The following EHHADH variants were observed in gnomAD, a reference collection of about 807,000 sequenced individuals.
EHHADH encodes the protein peroxisomal bifunctional enzyme.
Under a neutral mutation model 64.4 loss-of-function variants are expected in EHHADH, and 48 were observed. The observed-to-expected ratio is 0.75, with a 90% CI of 0.59 to 0.95. The LOEUF (loss-of-function observed/expected upper bound fraction) is 0.95, where lower values mean the gene tolerates loss of function less well. EHHADH is among the 40% of genes least tolerant of loss of function. EHHADH has a pLI of 0.00. For missense variants in EHHADH, 854 were observed against 876.6 expected, an observed-to-expected ratio of 0.97 and a Z score of 0.33; for synonymous variants, 308 against 326.7, an observed-to-expected ratio of 0.94 and a Z score of 0.62.
chr3:185,207,745 A>G (rs936875818), intron 5 of EHHADH, among the ~76,000 whole-genome samples: 10 of 152,258 alleles, frequency 6.6e-5, no homozygotes, highest in Admixed American at 6.5e-4. Flanking sequence ...CAACTGTAAG[A>G]AAATAATTTC....
At chr3:185,240,759 G>A (rs904612872) in intron 2 of EHHADH, among the ~76,000 whole-genome samples, 14 of 151,398 alleles carry the variant, frequency 9.2e-5, no homozygotes, top group Non-Finnish European at 1.6e-4. Flanking sequence ...ACTATATTAC[G>A]AACTTATATT....
At chr3:185,197,501 G>T (rs1403509634) in intron 6 of EHHADH, among the ~76,000 whole-genome samples, 1 of 152,090 alleles carries the variant, frequency 6.6e-6, no homozygotes, top group East Asian at 1.9e-4. Context: ...CTATATCTGT[G>T]CATTTGACTA....
Position 185,218,072 on chromosome 3 carries a change from T to C in EHHADH, c.568+64A>G, listed in dbSNP as rs930466697. The C allele has an allele frequency of 2.4e-5, 30 of 1,264,486 alleles. No individual in the cohort carries two copies. In the Middle Eastern group the frequency reaches 7.7e-4, roughly 33 times the overall value. The allele number at this position is 1,264,486 out of a possible 1,614,324, so 78.3% of individuals were successfully genotyped here. ...GAGCCACTGCGCCCGGCCAGGAGTT[T>C]CTTATTTAAATGAACATGTATCCTG... On this transcript the variant is annotated intron_variant, in intron 5 of 6. Coordinates refer to ENST00000231887, the MANE Select transcript of EHHADH (RefSeq NM_001966.4).
intron 4 of EHHADH, 130 bp downstream of exon 4, chr3:185,229,302 C>G: frequency 2.3e-6 from 1 of 433,610 alleles, no homozygotes; most frequent in Non-Finnish European, 4.0e-6. Flanking sequence ...ATCAGAAAAT[C>G]GAGAGGCCAA....
chr3:185,193,789 C>T (rs1717982624), intron 6 of EHHADH, among the ~76,000 whole-genome samples: 1 of 151,820 alleles, frequency 6.6e-6, no homozygotes, highest in South Asian at 2.1e-4. Flanking sequence ...TAGAAATAAA[C>T]AATCTGAATA....
At chr3:185,199,329 T>C (rs1159049013) in intron 6 of EHHADH, among the ~76,000 whole-genome samples, 1 of 152,248 alleles carries the variant, frequency 6.6e-6, no homozygotes, top group East Asian at 1.9e-4. Context: ...CTGTACTTTC[T>C]AGATCCCTTG....
intron 2 of EHHADH, among the ~76,000 whole-genome samples, chr3:185,244,249 T>A (rs181579777): frequency 1.3e-5 from 2 of 152,300 alleles, no homozygotes; most frequent in Admixed American, 1.3e-4. Context: ...CCAAAGGGTG[T>A]CACTTGTGGG....
chr3:185,193,160 A>G lies in EHHADH; in HGVS notation c.1238T>C (p.Leu413Pro), dbSNP rs372135936. ...EAFLCTNTSA[L>P]DVDEIASSTD... ...GGAAGAAGCAATCTCATCAACATCC[A>G]GGGCTGAAGTATTAGTGCACAAAAA... The change falls in exon 7 of 7, where the codon CTG becomes CCG. Residue 413 changes from leucine to proline, a missense_variant. By Grantham distance (98) the Leu-to-Pro change is moderately conservative. Transcript: ENST00000231887. 1.9e-6 allele frequency: 3 copies of G among 1,613,120 alleles called. No homozygotes were observed. Among genetic ancestry groups the G allele is most frequent in the Middle Eastern group, 1.6e-4 (1 of 6,078 alleles).
chr3:185,228,625 C>T (rs1349490415), intron 4 of EHHADH, among the ~76,000 whole-genome samples: 1 of 151,266 alleles, frequency 6.6e-6, no homozygotes, highest in African/African-American at 2.4e-5. Flanking sequence ...TTGCCGTGAG[C>T]CGAGATCATG....
chr3:185,242,470 A>G (rs756948020), intron 2 of EHHADH, among the ~76,000 whole-genome samples: 2 of 152,262 alleles, frequency 1.3e-5, no homozygotes, highest in Non-Finnish European at 2.9e-5. Context: ...AAAAATAGGC[A>G]CATAGACCAA....
At chr3:185,210,253 T>C (rs1336026865) in intron 5 of EHHADH, among the ~76,000 whole-genome samples, 2 of 152,228 alleles carry the variant, frequency 1.3e-5, no homozygotes, top group Non-Finnish European at 2.9e-5. Flanking sequence ...ACATCAGATT[T>C]ATTTGAAGAG....
At position 185,192,256 on chromosome 3, in the gene EHHADH, G is replaced by T. The variant is rs917179166; in HGVS notation, c.2142C>A (p.Ser714Arg). The change falls in exon 7 of 7, where the codon AGC becomes AGA. Residue 714 changes from serine (S) to arginine (R), a missense_variant. By Grantham distance (110) the Ser-to-Arg change is moderately radical. Coordinates refer to ENST00000231887, the MANE Select transcript of EHHADH (RefSeq NM_001966.4). Reference protein sequence around the residue: ...QGNPPLKEWQSLAGSPSSKL With the variant: ...QGNPPLKEWQRLAGSPSSKL ...ATTTACTGCTAGGGGAGCCTGCCAA[G>T]CTTTGCCATTCTTTCAGGGGAGGGT... 6 of 1,613,924 alleles carry T rather than the reference G, an allele frequency of 3.7e-6. No individual in the cohort carries two copies. Among genetic ancestry groups the T allele is most frequent in the Admixed American group, 1.7e-5 (1 of 59,978 alleles).
At chr3:185,206,025 T>C (rs1718380434) in intron 5 of EHHADH, among the ~76,000 whole-genome samples, 1 of 150,924 alleles carries the variant, frequency 6.6e-6, no homozygotes, top group African/African-American at 2.4e-5. Flanking sequence ...ACTGTGCACA[T>C]AAATCCACAC....
At chr3:185,246,922 T>C (rs1437607350) in intron 2 of EHHADH, among the ~76,000 whole-genome samples, 2 of 152,126 alleles carry the variant, frequency 1.3e-5, no homozygotes, top group South Asian at 2.1e-4. Context: ...ATCCCTCAAG[T>C]TTTATATTAT....
At chr3:185,209,532 T>C (rs1314923329) in intron 5 of EHHADH, among the ~76,000 whole-genome samples, 1 of 152,240 alleles carries the variant, frequency 6.6e-6, no homozygotes, top group East Asian at 1.9e-4. Flanking sequence ...ACAGAAAGCC[T>C]ACCAGGGCTT....
intron 5 of EHHADH, among the ~76,000 whole-genome samples, chr3:185,217,621 T>A (rs1718718449): frequency 6.6e-6 from 1 of 151,346 alleles, no homozygotes; most frequent in Non-Finnish European, 1.5e-5. Flanking sequence ...ACGTGCCTAT[T>A]CCTGCTTCAC....
chr3:185,198,816 C>T (rs1217564862), intron 6 of EHHADH, among the ~76,000 whole-genome samples: 1 of 151,368 alleles, frequency 6.6e-6, no homozygotes, highest in Non-Finnish European at 1.5e-5. Context: ...TGCCACTGCA[C>T]TCCAGCCTGG....
At chr3:185,215,994 G>T (rs1475587127) in intron 5 of EHHADH, among the ~76,000 whole-genome samples, 1 of 151,912 alleles carries the variant, frequency 6.6e-6, no homozygotes, top group East Asian at 1.9e-4. Flanking sequence ...ACACATAATT[G>T]TCTAAAGCCC....
chr3:185,200,273 T>C (rs1718188130), intron 6 of EHHADH, among the ~76,000 whole-genome samples: 1 of 152,190 alleles, frequency 6.6e-6, no homozygotes, highest in Non-Finnish European at 1.5e-5. Flanking sequence ...GAAGATAGGA[T>C]GTATCAGTCA....
Sources: allele counts gnomAD v4.1 joint callset (sites outside exome capture counted in the v4.1 genomes callset), GRCh38; gene constraint gnomAD v4.1.1; transcripts MANE v1.5; gene names NCBI Gene and HGNC (gene_info 2026-07-23, HGNC 2026-07-21).